Variants in TAFA1 observed in about 807,000 individuals in gnomAD.
The protein encoded by TAFA1 is TAFA chemokine like family member 1.
Under a neutral mutation model 18.5 loss-of-function variants are expected in TAFA1, and 4 were observed. That is an observed-to-expected ratio of 0.22 (90% CI 0.11 to 0.49). The LOEUF (loss-of-function observed/expected upper bound fraction) is 0.49, where lower values mean the gene tolerates loss of function less well. Among genes scored for constraint, TAFA1 ranks in the 20% least tolerant of loss-of-function variants. The pLI is 0.98. For synonymous variants in TAFA1, 56 were observed against 55.2 expected (o/e 1.01, Z -0.06); for missense variants, 147 against 169.0 (o/e 0.87, Z 0.72).
At chr3:68,146,881 C>G (rs2396325) in intron 2 of TAFA1, among the ~76,000 whole-genome samples, 65,226 of 152,120 alleles carry the variant, frequency 0.43, 15,217 homozygotes, top group East Asian at 0.64. Context: ...GTAAGCCTAC[C>G]TTTATACAAT....
At chr3:68,241,067 T>C (rs2066991584) in intron 2 of TAFA1, among the ~76,000 whole-genome samples, 1 of 152,194 alleles carries the variant, frequency 6.6e-6, no homozygotes, top group African/African-American at 2.4e-5. Context: ...CACAGCATAT[T>C]TTGGGCTTAC....
chr3:68,362,740 C>G (rs1473018592), intron 2 of TAFA1, among the ~76,000 whole-genome samples: 2 of 152,008 alleles, frequency 1.3e-5, no homozygotes. Flanking sequence ...GAAGGCAGAA[C>G]CAAAAATCAG....
chr3:68,263,867 T>C (rs2067487184), intron 2 of TAFA1, among the ~76,000 whole-genome samples: 1 of 152,212 alleles, frequency 6.6e-6, no homozygotes, highest in Non-Finnish European at 1.5e-5. Flanking sequence ...CAAACATTGA[T>C]TTTGAAATTA....
intron 2 of TAFA1, among the ~76,000 whole-genome samples, chr3:68,031,864 A>G (rs923099062): frequency 5.3e-5 from 8 of 152,172 alleles, no homozygotes; most frequent in Non-Finnish European, 1.0e-4. Flanking sequence ...TATTGCTTGA[A>G]TCATATCCCA....
chr3:68,281,467 C>CTTTT (rs10713944), intron 2 of TAFA1, among the ~76,000 whole-genome samples: 13 of 111,724 alleles, frequency 1.2e-4, no homozygotes, highest in African/African-American at 3.7e-4. Context: ...CCACATTAAC[C>CTTTT]TTTTTTTTTT....
chr3:68,223,580 C>A (rs2066758863), intron 2 of TAFA1, among the ~76,000 whole-genome samples: 1 of 151,616 alleles, frequency 6.6e-6, no homozygotes. Flanking sequence ...AAAATGTAAG[C>A]CTTCCCAGAA....
At chr3:67,994,412 T>G in the TAFA1 span, among the ~76,000 whole-genome samples, 1 of 152,210 alleles carries the variant, frequency 6.6e-6, no homozygotes, top group South Asian at 2.1e-4. Context: ...AGAGTCCAGA[T>G]TAAATTATCT....
In TAFA1 at chr3:68,172,420, A is replaced by G. The variant is rs2066067465; in HGVS notation, c.118+165676A>G. ...GTTGATAAGGATGGAGAGGAACTGG[A>G]ACCCTCATGCATGCATACATTGCTG... On this transcript the variant is annotated intron_variant, in intron 2 of 4. Coordinates refer to ENST00000478136, the MANE Select transcript of TAFA1 (RefSeq NM_213609.4). Among the ~76,000 whole-genome samples, 3 of 152,176 alleles carry G rather than the reference A, an allele frequency of 2.0e-5. No homozygotes were observed. The South Asian group carries it at 6.2e-4, about 31-fold the overall frequency.
chr3:68,379,183 A>G (rs1470334967), intron 2 of TAFA1, among the ~76,000 whole-genome samples: 1 of 151,972 alleles, frequency 6.6e-6, no homozygotes. Context: ...TTATTTTTTG[A>G]CTTTTTAATA....
At chr3:68,088,273 C>G (rs2064994028) in intron 2 of TAFA1, among the ~76,000 whole-genome samples, 1 of 152,208 alleles carries the variant, frequency 6.6e-6, no homozygotes, top group Non-Finnish European at 1.5e-5. Flanking sequence ...TCCACAGCCA[C>G]AGTAAATTGG....
chr3:68,470,997 G>T (rs1210312623), intron 3 of TAFA1, among the ~76,000 whole-genome samples: 2 of 152,166 alleles, frequency 1.3e-5, no homozygotes, highest in Non-Finnish European at 2.9e-5. Flanking sequence ...CCCCATCTGT[G>T]TGCCACCTCA....
chr3:68,350,180 G>A (rs555484598), intron 2 of TAFA1, among the ~76,000 whole-genome samples: 69 of 152,186 alleles, frequency 4.5e-4, no homozygotes, highest in Non-Finnish European at 7.5e-4. Context: ...CGCCTCAATC[G>A]GCTTTGTTTG....
At chr3:68,443,347 A>T (rs2071419359) in intron 3 of TAFA1, among the ~76,000 whole-genome samples, 1 of 151,906 alleles carries the variant, frequency 6.6e-6, no homozygotes, top group Admixed American at 6.6e-5. Flanking sequence ...GACAGCCCTA[A>T]GTTCTACCCT....
intron 3 of TAFA1, among the ~76,000 whole-genome samples, chr3:68,483,038 T>C (rs2072267334): frequency 6.6e-6 from 1 of 152,136 alleles, no homozygotes. Context: ...TTGCCAGACA[T>C]AGGGAAGACA....
Position 68,536,226 on chromosome 3 carries a change from G to A in TAFA1, c.260-2530G>A, listed in dbSNP as rs556730075. On this transcript the variant is annotated intron_variant, in intron 3 of 4. Coordinates refer to ENST00000478136, the MANE Select transcript of TAFA1 (RefSeq NM_213609.4). ...CATAGAAGGAAAGCCTAAGGGCAGA[G>A]AGATGTCTGGATGGTTAAACCATTC... 3.3e-5 allele frequency among the ~76,000 whole-genome samples: 5 copies of A among 152,320 alleles called. No individual in the cohort carries two copies. The South Asian group carries it at 1.0e-3, about 32-fold the overall frequency.
intron 2 of TAFA1, among the ~76,000 whole-genome samples, chr3:68,019,169 G>A (rs1201826359): frequency 6.6e-6 from 1 of 152,196 alleles, no homozygotes. Context: ...CCAGGCATCT[G>A]TTTCTTGGGC....
chr3:68,181,884 T>C (rs1046183248), intron 2 of TAFA1, among the ~76,000 whole-genome samples: 3 of 152,206 alleles, frequency 2.0e-5, no homozygotes, highest in African/African-American at 7.2e-5. Context: ...GATCTGGATG[T>C]CATTCCTTAC....
chr3:68,183,584 C>T (rs1035874959), intron 2 of TAFA1, among the ~76,000 whole-genome samples: 9 of 152,054 alleles, frequency 5.9e-5, no homozygotes, highest in Non-Finnish European at 1.3e-4. Context: ...ATTAGCTGCC[C>T]TCAACAGTGA....
chr3:68,460,968 A>G (rs562728447), intron 3 of TAFA1, among the ~76,000 whole-genome samples: 23 of 152,296 alleles, frequency 1.5e-4, no homozygotes, highest in African/African-American at 5.3e-4. Flanking sequence ...TGCCCAAGAT[A>G]GGGCAGATAA....
Sources: gnomAD v4.1 joint callset for allele counts (sites outside exome capture counted in the v4.1 genomes callset) on GRCh38, gnomAD v4.1.1 for gene constraint, MANE v1.5 for transcripts, NCBI Gene and HGNC (gene_info 2026-07-23, HGNC 2026-07-21) for gene names.